Variants in UGT2B15 observed in about 807,000 individuals in gnomAD.
The protein encoded by UGT2B15 is UDP-glucuronosyltransferase 2B15.
Under a neutral mutation model 45.9 loss-of-function variants are expected in UGT2B15, and 36 were observed. The ratio of observed to expected loss-of-function variants is 0.78; its 90% CI spans 0.60 to 1.04. The LOEUF (loss-of-function observed/expected upper bound fraction) is 1.04, where lower values mean the gene tolerates loss of function less well. Among genes scored for constraint, UGT2B15 ranks in the 50% least tolerant of loss-of-function variants. The pLI is 0.00. For missense variants in UGT2B15, 617 were observed against 622.4 expected (o/e 0.99, Z 0.09); for synonymous variants, 219 against 216.4 (o/e 1.01, Z -0.11).
In UGT2B15 at chr4:68,654,271, A is replaced by G; in HGVS notation, c.1094-15T>C. 6.2e-7 allele frequency: 1 copy of G among 1,608,086 alleles called. No homozygotes were observed. Among genetic ancestry groups the G allele is most frequent in the Non-Finnish European group, 8.5e-7 (1 of 1,176,330 alleles). ...TTTGGGATGACCTAAAAGTGGATGC[A>G]TTTTAACAAAATTATTAATTACAAG... On this transcript the variant is annotated splice_polypyrimidine_tract_variant and intron_variant, in intron 4 of 5. Transcript: ENST00000338206.
At chr4:68,669,042 C>T (rs1166193884) in intron 1 of UGT2B15, among the ~76,000 whole-genome samples, 1 of 151,752 alleles carries the variant, frequency 6.6e-6, no homozygotes, top group African/African-American at 2.4e-5. Flanking sequence ...GTCCCTTGAT[C>T]CTTGGTTCTC....
At chr4:68,660,460 C>A (rs1732930880) in intron 3 of UGT2B15, among the ~76,000 whole-genome samples, 1 of 151,848 alleles carries the variant, frequency 6.6e-6, no homozygotes, top group Non-Finnish European at 1.5e-5. Context: ...TTCTATAAGA[C>A]AAAGTTCCAT....
chr4:68,651,021 GT>G (rs1732638528), intron 5 of UGT2B15, among the ~76,000 whole-genome samples: 1 of 44,818 alleles, frequency 2.2e-5, no homozygotes. Flanking sequence ...TTGTAAATTT[GT>G]TTAACTTTCT....
intron 2 of UGT2B15, among the ~76,000 whole-genome samples, chr4:68,665,226 A>T (rs1733085858): frequency 6.6e-6 from 1 of 152,176 alleles, no homozygotes; most frequent in Non-Finnish European, 1.5e-5. Flanking sequence ...AATTCTATTT[A>T]TATAACTCAA....
intron 5 of UGT2B15, among the ~76,000 whole-genome samples, chr4:68,647,776 C>T (rs1199257716): frequency 6.6e-6 from 1 of 152,012 alleles, no homozygotes. Context: ...AGTGCAGTCA[C>T]ATGATCATGG....
Position 68,670,441 on chromosome 4 carries a change from C to T in UGT2B15, c.178G>A (p.Ala60Thr), listed in dbSNP as rs541539149. 6.2e-7 allele frequency: 1 copy of T among 1,613,764 alleles called. No individual in the cohort carries two copies. The highest frequency in any genetic ancestry group is 8.5e-7 in the Non-Finnish European group (1 of 1,179,966). Residue 60 changes from alanine to threonine, a missense_variant, in exon 1 of 6, where the codon GCT becomes ACT. Around this residue, in one of 3 missense-constraint regions of UGT2B15, gnomAD observed 351 missense variants for 342.1 expected, o/e 1.03. Transcript: ENST00000338206. ...TTACTGGCATTGACAAGAGTAGAAGCCGAAGATGTCAACACAGTCACCTCA... is the reference window on the plus strand; with the variant it reads ...TTACTGGCATTGACAAGAGTAGAAGTCGAAGATGTCAACACAGTCACCTCA... ...GHEVTVLTSS[A>T]STLVNASKSS...
chr4:68,665,501 C>T (rs1272524837), intron 2 of UGT2B15, among the ~76,000 whole-genome samples: 9 of 151,698 alleles, frequency 5.9e-5, no homozygotes, highest in African/African-American at 1.9e-4. Flanking sequence ...TATTTGCTAC[C>T]GATATTGAAT....
chr4:68,659,340 A>AT (rs899342881), intron 3 of UGT2B15, among the ~76,000 whole-genome samples: 2 of 151,958 alleles, frequency 1.3e-5, no homozygotes, highest in African/African-American at 4.8e-5. Flanking sequence ...ATAAATTATG[A>AT]TTTTTTCTGA....
intron 2 of UGT2B15, among the ~76,000 whole-genome samples, chr4:68,663,587 TTC>T (rs1203066837): frequency 6.6e-6 from 1 of 152,108 alleles, no homozygotes; most frequent in Non-Finnish European, 1.5e-5. Flanking sequence ...TTCTGTTCAG[TTC>T]TTTTAGTTAG....
Position 68,647,230 on chromosome 4 carries a change from G to T in UGT2B15, c.1467C>A (p.Tyr489Ter). The T allele has an allele frequency of 6.2e-7, 1 of 1,613,960 alleles. No individual in the cohort carries two copies. Among genetic ancestry groups the T allele is most frequent in the East Asian group, 2.2e-5 (1 of 44,882 alleles). Residue 489 changes from tyrosine to a stop codon, truncating the protein, a stop_gained, in exon 6 of 6, where the codon TAC becomes TAA. Transcript: ENST00000338206. LOFTEE classifies it low-confidence loss of function (END_TRUNC). ...GGAATGCTATCACATCCAAAGAGTG[G>T]TACTGGATCCAGGTGAGGTTGTGAG... ...VAAHNLTWIQYHSLDVIAFLL... is the reference protein window; with the variant it reads ...VAAHNLTWIQ
At chr4:68,652,177 T>A (rs1445595129) in intron 5 of UGT2B15, among the ~76,000 whole-genome samples, 2 of 151,792 alleles carry the variant, frequency 1.3e-5, no homozygotes, top group Non-Finnish European at 2.9e-5. Context: ...CTCTGTCAAA[T>A]CATGTACTGT....
At chr4:68,658,474 T>C (rs1296047517) in intron 3 of UGT2B15, among the ~76,000 whole-genome samples, 1 of 152,154 alleles carries the variant, frequency 6.6e-6, no homozygotes, top group Non-Finnish European at 1.5e-5. Flanking sequence ...AGCAATTTCA[T>C]ACTTATTGTT....
At chr4:68,664,668 G>A (rs933471610) in intron 2 of UGT2B15, among the ~76,000 whole-genome samples, 1 of 151,714 alleles carries the variant, frequency 6.6e-6, no homozygotes, top group African/African-American at 2.4e-5. Context: ...CCAGGTTAAA[G>A]CAATTCTCCT....
At position 68,670,577 on chromosome 4, in the gene UGT2B15, G is replaced by A. The variant is rs764695735; in HGVS notation, c.42C>T (p.Leu14=). 1 of 1,597,826 alleles carries A rather than the reference G, an allele frequency of 6.3e-7. No homozygotes were observed. Among genetic ancestry groups the A allele is most frequent in the Non-Finnish European group, 8.5e-7 (1 of 1,176,196 alleles). The change falls in exon 1 of 6, where the codon CTC becomes CTT. Residue 14 remains leucine, a synonymous_variant. Transcript: ENST00000338206. ...KWTSVFLLIQ[L]SCYFSSGSCG... is the part of the protein sequence containing the mutation. Reference sequence around the variant, plus strand: ...AGCTTCCAGAGCTAAAGTAACAACTGAGCTGTATCAGCAGAAAGACTGACG... The same window carrying A: ...AGCTTCCAGAGCTAAAGTAACAACTAAGCTGTATCAGCAGAAAGACTGACG...
At chr4:68,647,958 G>A (rs1280900523) in intron 5 of UGT2B15, among the ~76,000 whole-genome samples, 1 of 151,986 alleles carries the variant, frequency 6.6e-6, no homozygotes, top group Non-Finnish European at 1.5e-5. Flanking sequence ...CTGTAGTCAA[G>A]TCATTCTCCT....
In UGT2B15 at chr4:68,666,492, CT is replaced by C. The variant is rs988614760; in HGVS notation, c.873+1547del. ...TTAAGTGTTTTATCTGTGGTAACTA[CT>C]TTTTTTCCACACAGCACAATATGAA... On this transcript the variant is annotated intron_variant, in intron 2 of 5. Transcript: ENST00000338206. Among the ~76,000 whole-genome samples, 40 of 152,048 alleles carry C rather than the reference CT, an allele frequency of 2.6e-4. 1 individual carries two copies. Among genetic ancestry groups the C allele is most frequent in the African/African-American group, 8.0e-4 (33 of 41,482 alleles).
intron 2 of UGT2B15, 149 bp downstream of exon 2, chr4:68,667,891 A>T: frequency 2.4e-6 from 3 of 1,276,408 alleles, no homozygotes; most frequent in Non-Finnish European, 3.2e-6. Flanking sequence ...TACTTGTGAT[A>T]CTACAGAAAT....
chr4:68,653,235 G>A (rs553851655), intron 5 of UGT2B15, among the ~76,000 whole-genome samples: 1 of 151,972 alleles, frequency 6.6e-6, no homozygotes, highest in African/African-American at 2.4e-5. Context: ...AAATTGGAAA[G>A]ACCTAAAATG....
At chr4:68,665,815 G>A (rs576606633) in intron 2 of UGT2B15, among the ~76,000 whole-genome samples, 3 of 152,256 alleles carry the variant, frequency 2.0e-5, no homozygotes, top group Admixed American at 2.0e-4. Context: ...GGGAGGCTGA[G>A]GCATGTGGAT....
Sources: allele counts gnomAD v4.1 joint callset (sites outside exome capture counted in the v4.1 genomes callset), GRCh38; gene constraint gnomAD v4.1.1; regional missense constraint gnomAD v4.1.1; transcripts MANE v1.5; gene names NCBI Gene and HGNC (gene_info 2026-07-23, HGNC 2026-07-21).